The following GON4L variants were observed in gnomAD, a reference collection of about 807,000 sequenced individuals.
GON4L encodes GON-4-like protein.
A neutral mutation model predicts 211.8 loss-of-function variants in GON4L; 87 were observed. That is an observed-to-expected ratio of 0.41 (90% CI 0.35 to 0.49). The LOEUF (loss-of-function observed/expected upper bound fraction) is 0.49. Ranked by LOEUF, GON4L falls within the 20% of genes least tolerant of loss-of-function variation. The pLI is 0.15. For synonymous variants in GON4L, 875 were observed against 962.6 expected (o/e 0.91, Z 1.68); for missense variants, 2,155 against 2,659.5 (o/e 0.81, Z 4.17).
intron 2 of GON4L, among the ~76,000 whole-genome samples, chr1:155,844,132 C>T (rs143252751): frequency 2.7e-4 from 41 of 152,298 alleles, no homozygotes; most frequent in African/African-American, 7.9e-4. Flanking sequence ...GGGGTGGTGG[C>T]CCCTTGGCAG....
At chr1:155,819,950 C>T (rs984771916) in intron 6 of GON4L, among the ~76,000 whole-genome samples, 15 of 152,058 alleles carry the variant, frequency 9.9e-5, no homozygotes, top group African/African-American at 3.4e-4. Flanking sequence ...AGTTTCACTC[C>T]GTTGCCCAGG....
chr1:155,841,742 T>G (rs1670789602), intron 2 of GON4L, among the ~76,000 whole-genome samples: 1 of 152,220 alleles, frequency 6.6e-6, no homozygotes, highest in African/African-American at 2.4e-5. Context: ...ATATTGCCTC[T>G]GGCAGCTGGA....
chr1:155,856,315 A>G (rs1320265345), intron 1 of GON4L, among the ~76,000 whole-genome samples: 1 of 151,368 alleles, frequency 6.6e-6, no homozygotes, highest in Admixed American at 6.6e-5. Flanking sequence ...GCAGCCTCAG[A>G]CTCCTGGGCT....
intron 17 of GON4L, among the ~76,000 whole-genome samples, chr1:155,773,894 G>C (rs1663480870): frequency 6.6e-6 from 1 of 152,116 alleles, no homozygotes; most frequent in Admixed American, 6.5e-5. Context: ...ATTATAATTT[G>C]GTGTTAAATC....
At chr1:155,780,240 G>A (rs950859762) in intron 14 of GON4L, among the ~76,000 whole-genome samples, 16 of 152,270 alleles carry the variant, frequency 1.1e-4, no homozygotes, top group South Asian at 2.1e-4. Flanking sequence ...CTTCATGCTA[G>A]AAGATTTTTG....
intron 15 of GON4L, 99 bp from the exon 16 acceptor site, chr1:155,776,580 T>C: frequency 1.1e-6 from 1 of 951,794 alleles, no homozygotes; most frequent in South Asian, 1.4e-5. Flanking sequence ...AGAAAGGATC[T>C]CTCTCTGTCA....
downstream of GON4L, chr1:155,748,509 T>C: frequency 6.2e-6 from 10 of 1,613,846 alleles, no homozygotes; most frequent in African/African-American, 1.3e-5. Context: ...CTGGCTGACA[T>C]GCTGAGCTTC....
downstream of GON4L, chr1:155,749,283 C>G: frequency 6.2e-7 from 1 of 1,607,670 alleles, no homozygotes; most frequent in Admixed American, 1.7e-5. Context: ...GTTTGTTATT[C>G]ATGCTGCCAC....
At chr1:155,761,060 C>G (rs1411509635) in intron 23 of GON4L, among the ~76,000 whole-genome samples, 1 of 151,924 alleles carries the variant, frequency 6.6e-6, no homozygotes, top group African/African-American at 2.4e-5. Flanking sequence ...TAAGAAAAAG[C>G]TATGACTATC....
intron 2 of GON4L, among the ~76,000 whole-genome samples, chr1:155,827,553 T>C (rs561989887): frequency 5.3e-5 from 8 of 152,068 alleles, no homozygotes; most frequent in Non-Finnish European, 1.2e-4. Context: ...GGGGTGATGG[T>C]GCATGCTTGT....
At chr1:155,754,057 T>C (rs1164905851) in intron 28 of GON4L, 12 of 383,706 alleles carry the variant, frequency 3.1e-5, no homozygotes, top group Admixed American at 7.4e-5. Flanking sequence ...ACCAACTCCA[T>C]TCTAGAGAAC....
At chr1:155,807,494 C>G (rs1667246198) in intron 10 of GON4L, among the ~76,000 whole-genome samples, 1 of 151,822 alleles carries the variant, frequency 6.6e-6, no homozygotes, top group South Asian at 2.1e-4. Flanking sequence ...ATCACGAGGT[C>G]AGAAGATCAA....
At position 155,750,147 on chromosome 1, in the gene GON4L, T is replaced by A; in HGVS notation, c.*437A>T. On this transcript the variant is annotated 3_prime_UTR_variant, in exon 32 of 32. Coordinates refer to ENST00000368331, the MANE Select transcript of GON4L (RefSeq NM_001282860.2). ...CAGCCTCGTGGACTAAAGTTCCCAG[T>A]GTGGGAGAAAGGAGCTAGTTTGCAA... 1.6e-6 allele frequency: 1 copy of A among 608,598 alleles called. No individual in the cohort carries two copies. Among genetic ancestry groups the A allele is most frequent in the South Asian group, 2.0e-5 (1 of 49,772 alleles). 37.7% of individuals were successfully genotyped at this position (608,598 alleles called of 1,614,324 possible). A position where few individuals can be genotyped will look rare whatever the true frequency, so the allele number is the denominator to read the frequency against.
Position 155,752,607 on chromosome 1 carries a change from G to C in GON4L, c.5843-17C>G, listed in dbSNP as rs780965698. On this transcript the variant is annotated splice_polypyrimidine_tract_variant and intron_variant, in intron 29 of 31. Transcript: ENST00000368331. ...CCAATCCTGCTTAGGAGGAAAATAA[G>C]GATCTCAGGGTACTGTCAGGTTCAA... 2 of 1,567,402 alleles carry C rather than the reference G, an allele frequency of 1.3e-6. No homozygotes were observed.
chr1:155,843,450 A>G (rs1670958059), intron 2 of GON4L, among the ~76,000 whole-genome samples: 1 of 151,984 alleles, frequency 6.6e-6, no homozygotes, highest in Admixed American at 6.6e-5. Context: ...CCCACACTTA[A>G]CAGATTGACC....
intron 27 of GON4L, among the ~76,000 whole-genome samples, chr1:155,755,131 C>T (rs932850176): frequency 9.7e-5 from 14 of 144,436 alleles, no homozygotes; most frequent in Non-Finnish European, 1.5e-4. Flanking sequence ...AGTGCAGTGG[C>T]GTGATCTCAG....
intron 6 of GON4L, among the ~76,000 whole-genome samples, chr1:155,819,160 G>A (rs1282278811): frequency 1.3e-5 from 1 of 79,622 alleles, no homozygotes; most frequent in Non-Finnish European, 2.9e-5. Flanking sequence ...AAAATTAGCC[G>A]GGCATGGTGG....
rs561250434 is a variant in GON4L, at chr1:155,849,418, C to T, written c.505+3858G>A. Among the ~76,000 whole-genome samples the T allele has an allele frequency of 1.9e-3, 290 of 151,870 alleles. 1 individual carries two copies. The highest frequency in any genetic ancestry group is 3.4e-3 in the Non-Finnish European group (229 of 67,946). ...AATTAGCCAAGCGTGGTGGCGGGCG[C>T]CTGTAGTCCCAGCTACTCGGGAGGC... On this transcript the variant is annotated intron_variant, in intron 2 of 31. Transcript: ENST00000368331.
intron 2 of GON4L, among the ~76,000 whole-genome samples, chr1:155,851,184 C>T (rs1671754979): frequency 6.6e-6 from 1 of 150,828 alleles, no homozygotes; most frequent in South Asian, 2.1e-4. Context: ...AAAACCCCGT[C>T]TCTACTAAAA....
Sources: gnomAD v4.1 joint callset for allele counts (sites outside exome capture counted in the v4.1 genomes callset) on GRCh38, gnomAD v4.1.1 for gene constraint, MANE v1.5 for transcripts, NCBI Gene and HGNC (gene_info 2026-07-23, HGNC 2026-07-21) for gene names.